Variants in NHSL2 observed in about 807,000 individuals in gnomAD.
NHSL2 encodes NHS like 2, also known as NHS-like protein 2.
NHSL2 carries 27 observed loss-of-function variants against 53.4 expected under a neutral mutation model. The observed-to-expected ratio is 0.51, with a 90% CI of 0.37 to 0.70. The LOEUF (loss-of-function observed/expected upper bound fraction) is 0.70. NHSL2 is among the 30% of genes least tolerant of loss of function. The pLI, the probability that NHSL2 is intolerant of heterozygous loss-of-function variation, is 0.00. For synonymous variants in NHSL2, 408 were observed against 404.1 expected, an observed-to-expected ratio of 1.01 and a Z score of -0.12; for missense variants, 892 against 980.1, an observed-to-expected ratio of 0.91 and a Z score of 1.20.
intron 1 of NHSL2, among the ~76,000 whole-genome samples, chrX:71,965,650 T>C (rs189572833): frequency 1.8e-5 from 2 of 112,127 alleles, no homozygotes; most frequent in East Asian, 5.6e-4. Flanking sequence ...CAAAATAACT[T>C]GCTGGGATTT....
At chrX:72,054,893 G>A (rs1602335010) in intron 1 of NHSL2, among the ~76,000 whole-genome samples, 1 of 110,912 alleles carries the variant, frequency 9.0e-6, no homozygotes, top group East Asian at 2.8e-4. Flanking sequence ...CTTCAGTTGA[G>A]GCACAAAGCA....
At chrX:72,099,959 G>T (rs2041977750) in intron 1 of NHSL2, among the ~76,000 whole-genome samples, 1 of 111,104 alleles carries the variant, frequency 9.0e-6, no homozygotes, top group Non-Finnish European at 1.9e-5. Context: ...AAGTTGAGCA[G>T]GCAGAGAGAT....
rs989287402 is a variant in NHSL2 at position 72,099,305 on chromosome X, A to G, written c.281-32774A>G. Among the ~76,000 whole-genome samples, 6 of 108,062 alleles carry G rather than the reference A, an allele frequency of 5.6e-5. 1 individual carries two copies. The highest frequency in any genetic ancestry group is 1.1e-4 in the Non-Finnish European group (6 of 52,213). 93.8% of individuals were successfully genotyped at this position (108,062 alleles called of 115,157 possible). A position where few individuals can be genotyped will look rare whatever the true frequency, so the allele number is the denominator to read the frequency against. On this transcript the variant is annotated intron_variant, in intron 1 of 7. Transcript: ENST00000633930. ...TATATACATAAGTTTGTTTTGAACT[A>G]TTTTATTTCATTCATCTATTTGCCA...
intron 1 of NHSL2, among the ~76,000 whole-genome samples, chrX:72,021,225 T>C (rs2042158868): frequency 8.9e-6 from 1 of 112,735 alleles, no homozygotes; most frequent in African/African-American, 3.2e-5. Context: ...AGCATCAGTT[T>C]CTCAGTCACC....
chrX:72,088,329 T>G (rs2041868400), intron 1 of NHSL2, among the ~76,000 whole-genome samples: 1 of 112,633 alleles, frequency 8.9e-6, no homozygotes, highest in East Asian at 2.8e-4. Flanking sequence ...TTTTCATTTC[T>G]ACCAGACAAA....
chrX:71,977,601 C>T, intron 1 of NHSL2, among the ~76,000 whole-genome samples: 1 of 110,631 alleles, frequency 9.0e-6, no homozygotes, highest in East Asian at 2.8e-4. Flanking sequence ...TTTGTAGAGA[C>T]AGGCTTTCGT....
chrX:71,964,026 T>C (rs1279873675), intron 1 of NHSL2, among the ~76,000 whole-genome samples: 108 of 3,543 alleles, frequency 0.03, 1 homozygote, highest in Non-Finnish European at 0.15. Context: ...TATATATATG[T>C]GTATATATAT....
At chrX:72,121,953 A>C (rs758153219) in intron 1 of NHSL2, among the ~76,000 whole-genome samples, 1 of 112,580 alleles carries the variant, frequency 8.9e-6, no homozygotes, top group South Asian at 3.6e-4. Context: ...ATCTCAAAAA[A>C]TCATTTGTGT....
intron 1 of NHSL2, among the ~76,000 whole-genome samples, chrX:72,089,249 TA>T (rs11349378): frequency 0.3 from 30,475 of 100,831 alleles, 3,767 homozygotes; most frequent in East Asian, 0.69. Context: ...GAGGATTTGT[TA>T]AAAAAAAAAA....
Position 71,911,330 on chromosome X carries a change from C to T in NHSL2, c.243C>T (p.Cys81=). The T allele has an allele frequency of 9.0e-7, 1 of 1,114,003 alleles. No individual in the cohort carries two copies. The highest frequency in any genetic ancestry group is 1.8e-5 in the African/African-American group (1 of 54,202). The allele number at this position is 1,114,003 out of a possible 1,213,427, so 91.8% of individuals were successfully genotyped here. Residue 81 remains cysteine (C), a synonymous_variant, in exon 1 of 8, where the codon TGC becomes TGT. Coordinates refer to ENST00000633930, the MANE Select transcript of NHSL2 (RefSeq NM_001013627.3). The part of the protein sequence containing the change: ...RTVRLRRRLP[C]RLLGPEEDEE... ...TGCGCCTCCGCCGCCGCCTTCCCTGCCGCCTGCTTGGCCCGGAGGAGGACG... is the reference window on the plus strand; with the variant it reads ...TGCGCCTCCGCCGCCGCCTTCCCTGTCGCCTGCTTGGCCCGGAGGAGGACG...
At chrX:71,954,927 A>G (rs1313327317) in intron 1 of NHSL2, among the ~76,000 whole-genome samples, 1 of 112,166 alleles carries the variant, frequency 8.9e-6, no homozygotes, top group African/African-American at 3.3e-5. Flanking sequence ...CCCCTAAAAC[A>G]TAGCTGATAA....
At position 71,945,217 on chromosome X, in the gene NHSL2, C is replaced by T. The variant is rs146622265; in HGVS notation, c.280+33850C>T. On this transcript the variant is annotated intron_variant, in intron 1 of 7. Transcript: ENST00000633930. ...ACTATTCCTTCTTTCACCATGAAGA[C>T]GGAAAGGTTAAGATAGAGCTTGAAC... Among the ~76,000 whole-genome samples, 737 of 112,055 alleles carry T rather than the reference C, an allele frequency of 6.6e-3. 5 individuals carry two copies. Among genetic ancestry groups the T allele is most frequent in the African/African-American group, 0.023 (705 of 30,821 alleles).
Position 72,134,290 on chromosome X carries a change from T to C in NHSL2, c.564+72T>C, listed in dbSNP as rs1202829427. 7.5e-6 allele frequency: 8 copies of C among 1,062,947 alleles called. No individual in the cohort carries two copies. In the East Asian group the frequency reaches 2.6e-4, roughly 35 times the overall value. 87.6% of individuals were successfully genotyped at this position (1,062,947 alleles called of 1,213,427 possible). ...GACAAGAGACCTCCAGCTGCTTACT[T>C]TACCCACTGGAAGCTGCTCAGCCCT... On this transcript the variant is annotated intron_variant, in intron 3 of 7. Transcript: ENST00000633930.
intron 1 of NHSL2, chrX:72,130,592 T>C (rs750088943): frequency 8.3e-7 from 1 of 1,209,852 alleles, no homozygotes; most frequent in African/African-American, 1.8e-5. Flanking sequence ...GGGAGCGGGA[T>C]AGGCTTGGGA....
chrX:72,085,598 C>G (rs1423120867), intron 1 of NHSL2, among the ~76,000 whole-genome samples: 1 of 111,265 alleles, frequency 9.0e-6, no homozygotes, highest in Non-Finnish European at 1.9e-5. Context: ...AAAATGTCAG[C>G]CTTATTCAAA....
At chrX:71,972,866 T>TG (rs2041931576) in intron 1 of NHSL2, among the ~76,000 whole-genome samples, 6 of 93,800 alleles carry the variant, frequency 6.4e-5, no homozygotes, top group Non-Finnish European at 1.3e-4. Flanking sequence ...ATCTTTATTG[T>TG]TGTGTGTGTG....
Position 72,134,131 on chromosome X carries a change from G to A in NHSL2, c.477G>A (p.Gly159=), listed in dbSNP as rs1416664952. 8.6e-6 allele frequency: 10 copies of A among 1,165,156 alleles called. No individual in the cohort carries two copies. In the South Asian group the frequency reaches 1.9e-4, roughly 22 times the overall value. ...AGTACTCGGAGGCCAGACTTGTGGGGCAGACCTTCCGCTCTTCTGATGAGG... is the reference window on the plus strand; with the variant it reads ...AGTACTCGGAGGCCAGACTTGTGGGACAGACCTTCCGCTCTTCTGATGAGG... ...EEQYSEARLV[G]QTFRSSDEAT... Residue 159 remains glycine (G), a synonymous_variant, in exon 3 of 8, where the codon GGG becomes GGA. Coordinates refer to ENST00000633930, the MANE Select transcript of NHSL2 (RefSeq NM_001013627.3).
Position 72,144,739 on chromosome X carries a change from CACACACAA to C in NHSL2, c.*1167_*1174del, listed in dbSNP as rs2042450864. ...ACACACACACACACACACACACACA[CACACACAA>C]AAGGGCTACTTTTTGCCATTTAGGT... On this transcript the variant is annotated 3_prime_UTR_variant, in exon 8 of 8. Coordinates refer to ENST00000633930, the MANE Select transcript of NHSL2 (RefSeq NM_001013627.3). 5.8e-6 allele frequency: 1 copy of C among 172,232 alleles called. No individual in the cohort carries two copies. The highest frequency in any genetic ancestry group is 8.1e-5 in the Admixed American group (1 of 12,284). The allele number at this position is 172,232 out of a possible 1,213,427, so 14.2% of individuals were successfully genotyped here.
At chrX:71,966,109 A>G (rs1471996230) in intron 1 of NHSL2, 1 of 112,679 alleles carries the variant, frequency 8.9e-6, no homozygotes, top group Non-Finnish European at 1.9e-5. Flanking sequence ...TTCAAATTCC[A>G]CTTGTTCATT....
Sources: allele counts gnomAD v4.1 joint callset (sites outside exome capture counted in the v4.1 genomes callset), GRCh38; gene constraint gnomAD v4.1.1; transcripts MANE v1.5; gene names NCBI Gene and HGNC (gene_info 2026-07-23, HGNC 2026-07-21).